Variants in TAFA5 observed in about 807,000 individuals in gnomAD.
TAFA5 encodes TAFA chemokine like family member 5.
In TAFA5, 6 loss-of-function variants were observed where a neutral mutation model predicts 15.3. That is an observed-to-expected ratio of 0.39 (90% CI 0.21 to 0.77). The LOEUF (loss-of-function observed/expected upper bound fraction) is 0.77, where lower values mean the gene tolerates loss of function less well. TAFA5 is among the 30% of genes least tolerant of loss of function. The probability of loss-of-function intolerance (pLI) is 0.41; values close to 1 mark genes in which losing one functional copy is unlikely to be tolerated. For synonymous variants in TAFA5, 103 were observed against 80.7 expected (o/e 1.28, Z -1.48); for missense variants, 161 against 193.1 (o/e 0.83, Z 0.98).
chr22:48,584,227 C>A (rs1385686067), intron 1 of TAFA5, among the ~76,000 whole-genome samples: 1 of 148,816 alleles, frequency 6.7e-6, no homozygotes, highest in Admixed American at 6.7e-5. Context: ...CCACATACAC[C>A]ACACACATTG....
chr22:48,725,765 A>G (rs6010492), intron 3 of TAFA5, among the ~76,000 whole-genome samples: 47,946 of 151,104 alleles, frequency 0.32, 8,140 homozygotes, highest in Admixed American at 0.41. Context: ...CAAAACAGAT[A>G]AAGAGAAGTT....
At chr22:48,580,817 G>A (rs1218619623) in intron 1 of TAFA5, among the ~76,000 whole-genome samples, 1 of 152,238 alleles carries the variant, frequency 6.6e-6, no homozygotes, top group African/African-American at 2.4e-5. Flanking sequence ...GTCTCAGACT[G>A]CGTGTGGAGG....
intron 2 of TAFA5, among the ~76,000 whole-genome samples, chr22:48,695,833 G>A (rs1034066809): frequency 5.9e-5 from 9 of 152,332 alleles, no homozygotes; most frequent in Non-Finnish European, 1.3e-4. Flanking sequence ...CCAGAGTCCT[G>A]GCGAGGGGAG....
intron 1 of TAFA5, among the ~76,000 whole-genome samples, chr22:48,532,281 G>A (rs1050734137): frequency 3.3e-5 from 5 of 152,210 alleles, no homozygotes; most frequent in African/African-American, 4.8e-5. Context: ...GAGGCCGCAC[G>A]TCTAATCTTC....
chr22:48,559,974 G>T (rs765521251), intron 1 of TAFA5, among the ~76,000 whole-genome samples: 1 of 152,192 alleles, frequency 6.6e-6, no homozygotes, highest in Non-Finnish European at 1.5e-5. Flanking sequence ...CCAGAATGCA[G>T]GGGTCCAGAC....
At chr22:48,595,428 T>C (rs1375303373) in intron 1 of TAFA5, among the ~76,000 whole-genome samples, 1 of 152,210 alleles carries the variant, frequency 6.6e-6, no homozygotes, top group Non-Finnish European at 1.5e-5. Context: ...GGCGTTATCC[T>C]GTGGAAGAGG....
chr22:48,536,859 G>T (rs539140313), intron 1 of TAFA5, among the ~76,000 whole-genome samples: 3 of 152,316 alleles, frequency 2.0e-5, no homozygotes, highest in East Asian at 3.9e-4. Flanking sequence ...GCTGGGAGCT[G>T]CCCCACAGAC....
At chr22:48,531,631 T>C (rs1216752057) in intron 1 of TAFA5, among the ~76,000 whole-genome samples, 3 of 152,102 alleles carry the variant, frequency 2.0e-5, no homozygotes, top group Non-Finnish European at 4.4e-5. Flanking sequence ...GGACCCTCCC[T>C]TCCTCGCCTG....
chr22:48,703,709 G>C (rs9617505), intron 2 of TAFA5, among the ~76,000 whole-genome samples: 22,059 of 152,296 alleles, frequency 0.14, 2,113 homozygotes, highest in African/African-American at 0.27. Context: ...TGAGGTCCCA[G>C]CTGAGCTCGG....
intron 2 of TAFA5, among the ~76,000 whole-genome samples, chr22:48,698,741 C>G (rs1928806943): frequency 6.6e-6 from 1 of 150,906 alleles, no homozygotes; most frequent in Admixed American, 6.6e-5. Context: ...CGGGTGCCTC[C>G]TGGCCTCCCT....
intron 2 of TAFA5, among the ~76,000 whole-genome samples, chr22:48,693,654 G>C (rs1343856419): frequency 6.6e-6 from 1 of 152,026 alleles, no homozygotes; most frequent in Non-Finnish European, 1.5e-5. Flanking sequence ...CTCTCTCTCT[G>C]TCTCAGTCCC....
In TAFA5 at chr22:48,560,702, G is replaced by A. The variant is rs985493020; in HGVS notation, c.112+70998G>A. The stretch of plus-strand genomic sequence containing the variant: ...CGGCTCACTGCATCCTCTGCCTCCC[G>A]GGTTCAAGCAATTCTCCCGCCTCAG... On this transcript the variant is annotated intron_variant, in intron 1 of 3. Transcript: ENST00000402357. This position sits in a 1 kb window ranked among gnomAD's most constrained non-coding sequence, Gnocchi z 4.2. 1.3e-5 allele frequency among the ~76,000 whole-genome samples: 2 copies of A among 151,878 alleles called. No homozygotes were observed. The highest frequency in any genetic ancestry group is 4.8e-5 in the African/African-American group (2 of 41,326).
intron 1 of TAFA5, chr22:48,544,943 G>A (rs1047942984): frequency 1.5e-5 from 7 of 461,658 alleles, no homozygotes; most frequent in Non-Finnish European, 2.7e-5. Flanking sequence ...TGTGAAGGAA[G>A]GATGCTGAGC....
At chr22:48,707,254 T>C (rs900882478) in intron 2 of TAFA5, among the ~76,000 whole-genome samples, 13 of 152,296 alleles carry the variant, frequency 8.5e-5, no homozygotes, top group Non-Finnish European at 1.6e-4. Context: ...CAGCCTGGCC[T>C]CACTCTGAGC....
At chr22:48,691,073 G>A (rs956845244) in intron 2 of TAFA5, among the ~76,000 whole-genome samples, 5 of 152,196 alleles carry the variant, frequency 3.3e-5, no homozygotes, top group Non-Finnish European at 5.9e-5. Flanking sequence ...CAGGAAGCAC[G>A]AAGCCAGTCC....
chr22:48,723,472 C>T (rs1929628915), intron 3 of TAFA5, among the ~76,000 whole-genome samples: 1 of 152,168 alleles, frequency 6.6e-6, no homozygotes, highest in African/African-American at 2.4e-5. Flanking sequence ...CTTCGCATAT[C>T]ACCTCTTCCT....
In TAFA5 at chr22:48,569,064, G is replaced by A. The variant is rs956604407; in HGVS notation, c.113-77533G>A. Among the ~76,000 whole-genome samples the A allele has an allele frequency of 3.3e-5, 5 of 152,156 alleles. No individual in the cohort carries two copies. In the East Asian group the frequency reaches 5.8e-4, roughly 18 times the overall value. On this transcript the variant is annotated intron_variant, in intron 1 of 3. Transcript: ENST00000402357. The stretch of plus-strand genomic sequence containing the variant: ...GGGCTGTGAGCAGACTGGTTCAGGC[G>A]AACCACAGGAACCCTCACTGGCCGT...
At chr22:48,613,357 T>C (rs1925481123) in intron 1 of TAFA5, among the ~76,000 whole-genome samples, 1 of 152,160 alleles carries the variant, frequency 6.6e-6, no homozygotes, top group Non-Finnish European at 1.5e-5. Flanking sequence ...CCGTCTCTGT[T>C]AATGTGTGCA....
chr22:48,511,574 A>G (rs931038181), intron 1 of TAFA5, among the ~76,000 whole-genome samples: 3 of 152,120 alleles, frequency 2.0e-5, no homozygotes, highest in African/African-American at 7.2e-5. Flanking sequence ...CCAGGTCAAG[A>G]CAAAACTCTG....
Sources: allele counts gnomAD v4.1 joint callset (sites outside exome capture counted in the v4.1 genomes callset), GRCh38; gene constraint gnomAD v4.1.1; non-coding constraint Gnocchi (gnomAD v3.1); transcripts MANE v1.5; gene names NCBI Gene and HGNC (gene_info 2026-07-23, HGNC 2026-07-21).